The following TRAK1 variants were observed in gnomAD, a reference collection of about 807,000 sequenced individuals.
TRAK1 encodes the protein trafficking kinesin-binding protein 1.
TRAK1 carries 33 observed loss-of-function variants against 92.1 expected under a neutral mutation model. The observed-to-expected ratio is 0.36, with a 90% CI of 0.27 to 0.48. The LOEUF (loss-of-function observed/expected upper bound fraction) is 0.48, where lower values mean the gene tolerates loss of function less well. TRAK1 is among the 20% of genes least tolerant of loss of function. TRAK1 has a pLI of 0.99. For missense variants in TRAK1, 1,123 were observed against 1,257.9 expected (o/e 0.89, Z 1.62); for synonymous variants, 521 against 517.3 (o/e 1.01, Z -0.10).
At chr3:42,160,525 T>G in intron 2 of TRAK1, 1 of 1,565,362 alleles carries the variant, frequency 6.4e-7, no homozygotes, top group Non-Finnish European at 8.7e-7. Flanking sequence ...AGTATCTAAA[T>G]AGGCTTGAAT....
intron 6 of TRAK1, among the ~76,000 whole-genome samples, chr3:42,190,010 G>C (rs1169972975): frequency 6.6e-6 from 1 of 152,038 alleles, no homozygotes; most frequent in Non-Finnish European, 1.5e-5. Flanking sequence ...GGAACGGTGG[G>C]CCCCAGGCTG....
chr3:42,151,626 A>G (rs891899439), intron 2 of TRAK1, among the ~76,000 whole-genome samples: 1 of 152,224 alleles, frequency 6.6e-6, no homozygotes, highest in African/African-American at 2.4e-5. Context: ...AAGGAACAGA[A>G]GTCCAGAAAT....
chr3:42,197,901 G>T (rs1706979513), intron 10 of TRAK1, among the ~76,000 whole-genome samples: 1 of 152,190 alleles, frequency 6.6e-6, no homozygotes, highest in Non-Finnish European at 1.5e-5. Context: ...CTGGCCACAT[G>T]TGGCTGTGCA....
intron 7 of TRAK1, 50 bp downstream of exon 7, chr3:42,191,686 A>G: frequency 1.9e-6 from 3 of 1,546,584 alleles, no homozygotes; most frequent in South Asian, 2.4e-5. Context: ...TGCTGTCATG[A>G]TTAGACAGAT....
At chr3:42,082,552 G>A (rs372706306), upstream of TRAK1, among the ~76,000 whole-genome samples, 17 of 152,044 alleles carry the variant, frequency 1.1e-4, no homozygotes, top group East Asian at 1.5e-3. Flanking sequence ...CCGAGATCGC[G>A]CCACTGCACT....
intron 12 of TRAK1, 64 bp downstream of exon 12, chr3:42,201,118 G>T (rs534836407): frequency 1.5e-4 from 230 of 1,522,562 alleles, no homozygotes; most frequent in Non-Finnish European, 1.9e-4. Context: ...TGGATTGTCT[G>T]CAGGCTCAGT....
intron 1 of TRAK1, among the ~76,000 whole-genome samples, chr3:42,114,697 A>G (rs1708933812): frequency 1.3e-5 from 2 of 152,132 alleles, no homozygotes; most frequent in Non-Finnish European, 2.9e-5. Context: ...TAATTGTAGC[A>G]TGTAACATAC....
At chr3:42,038,335 G>GT (rs1315108998) in intron 1 of TRAK1, among the ~76,000 whole-genome samples, 1 of 152,142 alleles carries the variant, frequency 6.6e-6, no homozygotes, top group East Asian at 1.9e-4. Context: ...AGATATTGGT[G>GT]TTTTTTTGAG....
At chr3:42,142,487 T>TG (rs1245685162) in intron 2 of TRAK1, among the ~76,000 whole-genome samples, 3 of 152,198 alleles carry the variant, frequency 2.0e-5, no homozygotes, top group Admixed American at 6.5e-5. Flanking sequence ...CTTACAGCCC[T>TG]GGGGCTGATC....
chr3:42,035,557 A>G (rs567864998), intron 1 of TRAK1, among the ~76,000 whole-genome samples: 2 of 152,364 alleles, frequency 1.3e-5, no homozygotes, highest in South Asian at 4.1e-4. Flanking sequence ...CTGCTCAGGC[A>G]GGAACCAGTA....
At chr3:42,149,637 A>G (rs1576631214) in intron 2 of TRAK1, 5 of 1,535,914 alleles carry the variant, frequency 3.3e-6, no homozygotes, top group Non-Finnish European at 4.4e-6. Context: ...CGGGATGTAT[A>G]GGGGTATTGT....
At chr3:42,164,097 G>A (rs1225286570) in intron 2 of TRAK1, among the ~76,000 whole-genome samples, 1 of 152,186 alleles carries the variant, frequency 6.6e-6, no homozygotes, top group Admixed American at 6.5e-5. Context: ...AGCAAGCTGG[G>A]CAGGACCCCA....
At position 42,202,865 on chromosome 3, in the gene TRAK1, CGA is replaced by C; in HGVS notation, c.1744+114_1744+115del. Reference sequence around the variant, plus strand: ...GTCACGCCTACTCCTTTTTCTTCCGCGACAGCCACCCGCGCTGCTGGTTTGAG... The same window carrying C: ...GTCACGCCTACTCCTTTTTCTTCCGCCAGCCACCCGCGCTGCTGGTTTGAG... On this transcript the variant is annotated intron_variant, in intron 13 of 15. Transcript: ENST00000327628. This position sits in a 1 kb window ranked among gnomAD's most constrained non-coding sequence, Gnocchi z 6.1. 6.7e-7 allele frequency: 1 copy of C among 1,492,764 alleles called. No individual in the cohort carries two copies. The highest frequency in any genetic ancestry group is 8.9e-7 in the Non-Finnish European group (1 of 1,119,042). The allele number at this position is 1,492,764 out of a possible 1,614,324, so 92.5% of individuals were successfully genotyped here.
At chr3:42,021,920 G>C (rs1701736918) in intron 1 of TRAK1, among the ~76,000 whole-genome samples, 1 of 152,128 alleles carries the variant, frequency 6.6e-6, no homozygotes, top group African/African-American at 2.4e-5. Flanking sequence ...ACATGTGCTT[G>C]GCTAAGAGGA....
At chr3:42,099,972 G>T (rs1400196500) in intron 1 of TRAK1, among the ~76,000 whole-genome samples, 2 of 152,054 alleles carry the variant, frequency 1.3e-5, no homozygotes. Context: ...TGAGGATGCA[G>T]CACCATCTAG....
rs565969806 is a variant in TRAK1, at chr3:42,171,529, C to G, written c.287-5285C>G. Among the ~76,000 whole-genome samples, 195 of 152,272 alleles carry G rather than the reference C, an allele frequency of 1.3e-3. 2 individuals are homozygous for G. The highest frequency in any genetic ancestry group is 2.0e-3 in the Non-Finnish European group (135 of 68,026). On this transcript the variant is annotated intron_variant, in intron 2 of 15. Transcript: ENST00000327628. ...GAACTGTAGAGATTCTCCCTACCCA[C>G]CCCTCGGGTTAGGCCTCTAGGTTCT...
At chr3:42,111,874 T>G (rs1243467066) in intron 1 of TRAK1, among the ~76,000 whole-genome samples, 1 of 152,006 alleles carries the variant, frequency 6.6e-6, no homozygotes, top group Non-Finnish European at 1.5e-5. Flanking sequence ...AGTATGAAAT[T>G]TGCCAACACT....
At chr3:42,140,186 G>T (rs925590263) in intron 2 of TRAK1, among the ~76,000 whole-genome samples, 2 of 152,132 alleles carry the variant, frequency 1.3e-5, no homozygotes, top group African/African-American at 4.8e-5. Flanking sequence ...GCCAAGCTTT[G>T]TTCCCCCACC....
chr3:42,075,628 G>A lies in TRAK1; in HGVS notation c.-518-11476G>A, dbSNP rs375049960. On this transcript the variant is annotated intron_variant, in intron 1 of 16. Coordinates refer to the TRAK1 transcript ENST00000487159. ...TCTACCAGCAGTGGATAAGCATACCGTTTTCTCCTCAAGCTCACCAGCATC... is the reference window on the plus strand; with the variant it reads ...TCTACCAGCAGTGGATAAGCATACCATTTTCTCCTCAAGCTCACCAGCATC... 2.4e-4 allele frequency among the ~76,000 whole-genome samples: 37 copies of A among 152,174 alleles called. No individual in the cohort carries two copies. The East Asian group carries it at 6.4e-3, about 26-fold the overall frequency.
Sources: gnomAD v4.1 joint callset for allele counts (sites outside exome capture counted in the v4.1 genomes callset) on GRCh38, gnomAD v4.1.1 for gene constraint, Gnocchi (gnomAD v3.1) non-coding constraint, MANE v1.5 for transcripts, NCBI Gene and HGNC (gene_info 2026-07-23, HGNC 2026-07-21) for gene names.